The following ZNF184 variants were observed in gnomAD, a reference collection of about 807,000 sequenced individuals.
ZNF184 encodes zinc finger protein 184, also known as zinc finger protein 184 (Kruppel-like).
ZNF184 carries 16 observed loss-of-function variants against 54.4 expected under a neutral mutation model. The observed-to-expected ratio is 0.29, with a 90% confidence interval of 0.20 to 0.45. The LOEUF (loss-of-function observed/expected upper bound fraction) is 0.45. Ranked by LOEUF, ZNF184 falls within the 20% of genes least tolerant of loss-of-function variation. ZNF184 has a pLI of 1.00. For missense variants in ZNF184, 681 were observed against 888.2 expected, an observed-to-expected ratio of 0.77 and a Z score of 2.97; for synonymous variants, 254 against 295.3, an observed-to-expected ratio of 0.86 and a Z score of 1.43.
the ZNF184 span, among the ~76,000 whole-genome samples, chr6:27,435,229 T>C: frequency 6.6e-6 from 1 of 152,200 alleles, no homozygotes; most frequent in Non-Finnish European, 1.5e-5. Flanking sequence ...TTGAATCTGT[T>C]GGTTGCTTCG....
chr6:27,408,880 G>C, the ZNF184 span, among the ~76,000 whole-genome samples: 1 of 152,150 alleles, frequency 6.6e-6, no homozygotes, highest in African/African-American at 2.4e-5. Flanking sequence ...AACTAGCCTA[G>C]CCTAAGTAGG....
the ZNF184 span, among the ~76,000 whole-genome samples, chr6:27,423,106 G>C: frequency 1.3e-5 from 2 of 152,226 alleles, no homozygotes; most frequent in African/African-American, 2.4e-5. Flanking sequence ...TGCTAGTCGC[G>C]TACGCGGCCT....
chr6:27,457,461 G>T, intron 3 of ZNF184, 52 bp from the exon 4 acceptor site: 3 of 1,598,304 alleles, frequency 1.9e-6, no homozygotes, highest in Non-Finnish European at 2.6e-6. Flanking sequence ...CTTAGGAAAG[G>T]GGTAAAGTTA....
chr6:27,433,199 T>C, the ZNF184 span, among the ~76,000 whole-genome samples: 1 of 152,188 alleles, frequency 6.6e-6, no homozygotes, highest in Non-Finnish European at 1.5e-5. Flanking sequence ...CACTATGTTT[T>C]GGGATAATTT....
At chr6:27,421,215 T>C in the ZNF184 span, among the ~76,000 whole-genome samples, 3 of 152,188 alleles carry the variant, frequency 2.0e-5, no homozygotes, top group African/African-American at 7.2e-5. Flanking sequence ...CAAAAATAAA[T>C]CCTAATCTCA....
the ZNF184 span, among the ~76,000 whole-genome samples, chr6:27,440,879 C>T: frequency 6.6e-6 from 1 of 151,988 alleles, no homozygotes; most frequent in African/African-American, 2.4e-5. Flanking sequence ...GTGGTGGGTG[C>T]CTGTAGTCCC....
the ZNF184 span, among the ~76,000 whole-genome samples, chr6:27,422,156 G>GA: frequency 1.1e-4 from 3 of 26,388 alleles, no homozygotes; most frequent in African/African-American, 1.2e-4. Context: ...AAAAAAGAAA[G>GA]AAAGAAAGAA....
At chr6:27,427,114 TG>T in the ZNF184 span, among the ~76,000 whole-genome samples, 2 of 31,124 alleles carry the variant, frequency 6.4e-5, no homozygotes, top group Non-Finnish European at 1.5e-4. Flanking sequence ...TAACACTCTA[TG>T]TAAAAAAAAA....
rs1239822675 is a variant in ZNF184, at chr6:27,472,564, T to A, written c.-139-131A>T. On this transcript the variant is annotated intron_variant, in intron 1 of 5. Transcript: ENST00000683788. The surrounding 1 kb of genome is among the most constrained non-coding windows in gnomAD (Gnocchi z 4.8). ...ACTAGAGAGGTGTGTGGCACTCCGA[T>A]GAACAAAACAGAGTGGAGATCGGGT... 1 of 459,166 alleles carries A rather than the reference T, an allele frequency of 2.2e-6. No homozygotes were observed. Among genetic ancestry groups the A allele is most frequent in the African/African-American group, 2.0e-5 (1 of 50,894 alleles). The allele number at this position is 459,166 out of a possible 1,614,324, so 28.4% of individuals were successfully genotyped here.
At chr6:27,411,879 AC>A in the ZNF184 span, among the ~76,000 whole-genome samples, 1 of 152,204 alleles carries the variant, frequency 6.6e-6, no homozygotes, top group African/African-American at 2.4e-5. Context: ...CTCCCTCCTC[AC>A]TTGCCCAGGG....
chr6:27,407,372 C>A, the ZNF184 span, among the ~76,000 whole-genome samples: 1 of 152,320 alleles, frequency 6.6e-6, no homozygotes, highest in East Asian at 1.9e-4. Context: ...CTCTTCCTTG[C>A]CTTCAGAGTT....
the ZNF184 span, among the ~76,000 whole-genome samples, chr6:27,421,268 G>A: frequency 5.3e-4 from 80 of 152,316 alleles, 1 homozygote; most frequent in South Asian, 0.016. Context: ...ATAAGTTCAT[G>A]AATTGTAACA....
the ZNF184 span, among the ~76,000 whole-genome samples, chr6:27,434,070 C>T: frequency 6.7e-6 from 1 of 148,254 alleles, no homozygotes; most frequent in East Asian, 2.1e-4. Context: ...ACCCAGGCTG[C>T]AGTGCAGTGG....
the ZNF184 span, chr6:27,406,527 G>C: frequency 2.0e-5 from 3 of 152,220 alleles, no homozygotes; most frequent in Non-Finnish European, 4.4e-5. Context: ...CGGGCACCTT[G>C]GCCAGTTCTC....
chr6:27,419,543 TAGATAG>T, the ZNF184 span, among the ~76,000 whole-genome samples: 1 of 151,610 alleles, frequency 6.6e-6, no homozygotes, highest in Non-Finnish European at 1.5e-5. The surrounding 1 kb of genome is among the most constrained non-coding windows in gnomAD (Gnocchi z 4.8). Context: ...GATAGATAGA[TAGATAG>T]ATAGATAGAT....
chr6:27,451,724 T>G lies in ZNF184; in HGVS notation c.1835A>C (p.Lys612Thr). 1.2e-6 allele frequency: 2 copies of G among 1,613,976 alleles called. No individual in the cohort carries two copies. The highest frequency in any genetic ancestry group is 1.7e-6 in the Non-Finnish European group (2 of 1,179,932). Residue 612 changes from lysine to threonine, a missense_variant, in exon 6 of 6, where the codon AAG (lysine) becomes ACG (threonine). Coordinates refer to ENST00000683788, the MANE Select transcript of ZNF184 (RefSeq NM_001318891.2). ...TQHKRIHTGA[K>T]PYECAECGKA... ...ACCACACTCAGCACACTCATAAGGC[T>G]TGGCTCCTGTATGAATTCTCTTATG... is the stretch of plus-strand genomic sequence containing the variant.
At chr6:27,440,883 T>C in the ZNF184 span, among the ~76,000 whole-genome samples, 5 of 152,116 alleles carry the variant, frequency 3.3e-5, 1 homozygote, top group African/African-American at 1.2e-4. Flanking sequence ...TGGGTGCCTG[T>C]AGTCCCAGCT....
chr6:27,438,430 T>C, the ZNF184 span, among the ~76,000 whole-genome samples: 2 of 152,202 alleles, frequency 1.3e-5, no homozygotes, highest in Non-Finnish European at 2.9e-5. Flanking sequence ...GTAGGAGTAC[T>C]TAATTGGACA....
intron 3 of ZNF184, among the ~76,000 whole-genome samples, chr6:27,460,121 C>T (rs1014772241): frequency 5.3e-5 from 8 of 152,198 alleles, no homozygotes; most frequent in African/African-American, 1.7e-4. Context: ...GACCTATGAT[C>T]ATACCACTGA....
Sources: gnomAD v4.1 joint callset for allele counts (sites outside exome capture counted in the v4.1 genomes callset) on GRCh38, gnomAD v4.1.1 for gene constraint, Gnocchi (gnomAD v3.1) non-coding constraint, MANE v1.5 for transcripts, NCBI Gene and HGNC (gene_info 2026-07-23, HGNC 2026-07-21) for gene names.